Variants in TRPM3 observed in about 807,000 individuals in gnomAD.
TRPM3 encodes the protein transient receptor potential cation channel subfamily M member 3.
In TRPM3, 77 loss-of-function variants were observed where a neutral mutation model predicts 181.2. That is an observed-to-expected ratio of 0.42 (90% CI 0.35 to 0.51). The LOEUF (loss-of-function observed/expected upper bound fraction) is 0.51, where lower values mean the gene tolerates loss of function less well. Ranked by LOEUF, TRPM3 falls within the 20% of genes least tolerant of loss-of-function variation. The probability of loss-of-function intolerance (pLI) is 0.01; values close to 1 mark genes in which losing one functional copy is unlikely to be tolerated. For synonymous variants in TRPM3, 745 were observed against 796.4 expected (o/e 0.94, Z 1.09); for missense variants, 1,759 against 2,196.7 (o/e 0.80, Z 3.98).
chr9:70,957,216 G>A (rs913625438), intron 1 of TRPM3, among the ~76,000 whole-genome samples: 9 of 151,858 alleles, frequency 5.9e-5, no homozygotes, highest in South Asian at 2.1e-4. Context: ...CACGCACTTC[G>A]GCCTCCCAAA....
chr9:71,356,879 T>G (rs1433571747), intron 1 of TRPM3, among the ~76,000 whole-genome samples: 2 of 151,906 alleles, frequency 1.3e-5, no homozygotes, highest in Non-Finnish European at 1.5e-5. Context: ...TTTCTGCACT[T>G]TTTCCTATTC....
intron 25 of TRPM3, among the ~76,000 whole-genome samples, 154 bp downstream of exon 25, chr9:70,549,388 G>A (rs1306439845): frequency 6.6e-6 from 1 of 152,072 alleles, no homozygotes; most frequent in Non-Finnish European, 1.5e-5. Flanking sequence ...AGATACTTTG[G>A]GCAATGTTCT....
intron 1 of TRPM3, among the ~76,000 whole-genome samples, chr9:71,004,660 T>A (rs1056042310): frequency 2.6e-5 from 4 of 152,194 alleles, no homozygotes; most frequent in Non-Finnish European, 5.9e-5. Context: ...CTATGAAATA[T>A]ATGACAAAAT....
chr9:70,983,312 C>A (rs561638636), intron 1 of TRPM3, among the ~76,000 whole-genome samples: 12 of 151,876 alleles, frequency 7.9e-5, no homozygotes, highest in Non-Finnish European at 1.6e-4. Context: ...AGTTCTAATA[C>A]CTCATATATT....
At chr9:71,255,180 C>A (rs1284469361) in intron 1 of TRPM3, among the ~76,000 whole-genome samples, 1 of 152,172 alleles carries the variant, frequency 6.6e-6, no homozygotes, top group Non-Finnish European at 1.5e-5. Flanking sequence ...ATTCCCAGTG[C>A]CTCATGTCCA....
At chr9:70,837,038 T>C (rs755395752) in intron 5 of TRPM3, among the ~76,000 whole-genome samples, 5 of 152,176 alleles carry the variant, frequency 3.3e-5, no homozygotes, top group Non-Finnish European at 7.3e-5. Flanking sequence ...AAGCATTGGC[T>C]CTGTCTGGTA....
chr9:71,362,947 A>G lies in TRPM3; in HGVS notation c.183+83706T>C, dbSNP rs147982219. Among the ~76,000 whole-genome samples the G allele has an allele frequency of 6.9e-3, 1,051 of 152,340 alleles. 17 individuals are homozygous for G. The highest frequency in any genetic ancestry group is 0.024 in the African/African-American group (1,013 of 41,576). ...TTTCATTGGGATTGCTGAAGAATAT[A>G]AAGAGTGATTCTTTCATTTAAAACA... On this transcript the variant is annotated intron_variant, in intron 1 of 24. Coordinates refer to the TRPM3 transcript ENST00000357533.
rs1157875125 is a variant in TRPM3 at position 71,205,900 on chromosome 9, TGAAA to T, written c.183+240749_183+240752del. Among the ~76,000 whole-genome samples, 18 of 152,304 alleles carry T rather than the reference TGAAA, an allele frequency of 1.2e-4. 1 individual carries two copies. The South Asian group carries it at 3.7e-3, about 32-fold the overall frequency. Reference sequence around the variant, plus strand: ...TGTGATTTCAGCACAAATGAAAGTGTGAAAGAGTCACCTCAAAGGAAGAAAATAA... The same window carrying T: ...TGTGATTTCAGCACAAATGAAAGTGTGAGTCACCTCAAAGGAAGAAAATAA... On this transcript the variant is annotated intron_variant, in intron 1 of 24. Transcript: ENST00000357533.
chr9:70,764,298 A>G (rs2078691535), intron 7 of TRPM3, among the ~76,000 whole-genome samples: 1 of 152,210 alleles, frequency 6.6e-6, no homozygotes, highest in African/African-American at 2.4e-5. Context: ...AGTATCAAGC[A>G]TCCATTGATG....
chr9:71,364,660 G>T (rs2092274890), intron 1 of TRPM3, among the ~76,000 whole-genome samples: 1 of 152,126 alleles, frequency 6.6e-6, no homozygotes, highest in Non-Finnish European at 1.5e-5. Flanking sequence ...GGCAGGAGGT[G>T]GTAAGGACTT....
In TRPM3 at chr9:71,418,732, C is replaced by CTA. The variant is rs141814539; in HGVS notation, c.183+27919_183+27920dup. On this transcript the variant is annotated intron_variant, in intron 1 of 24. Coordinates refer to the TRPM3 transcript ENST00000357533. Reference sequence around the variant, plus strand: ...GGATTCCTAAAAGGCTCAAAGGATACTATATATATATATATCCTTTGAGAT... The same window carrying CTA: ...GGATTCCTAAAAGGCTCAAAGGATACTATATATATATATATATCCTTTGAGAT... Among the ~76,000 whole-genome samples the CTA allele has an allele frequency of 5.2e-3, 751 of 144,518 alleles. 6 individuals are homozygous for CTA. Among genetic ancestry groups the CTA allele is most frequent in the East Asian group, 0.011 (56 of 4,900 alleles). 94.8% of individuals were successfully genotyped at this position (144,518 alleles called of 152,430 possible). A position where few individuals can be genotyped will look rare whatever the true frequency, so the allele number is the denominator to read the frequency against.
At chr9:70,997,811 T>C (rs1370809781) in intron 1 of TRPM3, among the ~76,000 whole-genome samples, 1 of 152,152 alleles carries the variant, frequency 6.6e-6, no homozygotes, top group Non-Finnish European at 1.5e-5. Flanking sequence ...TTTTTTTGCA[T>C]GTTTGGGAGG....
intron 7 of TRPM3, among the ~76,000 whole-genome samples, chr9:70,762,691 T>C (rs147567930): frequency 1.3e-5 from 2 of 152,348 alleles, no homozygotes; most frequent in African/African-American, 4.8e-5. Flanking sequence ...TTATCTCAGT[T>C]GCTGATTACA....
intron 1 of TRPM3, among the ~76,000 whole-genome samples, chr9:71,391,379 T>C (rs1232069844): frequency 6.8e-6 from 1 of 145,998 alleles, no homozygotes; most frequent in Non-Finnish European, 1.5e-5. Flanking sequence ...TGTCTACTTC[T>C]CTTTCTTTCT....
At chr9:70,813,214 C>T (rs1222079212) in intron 6 of TRPM3, among the ~76,000 whole-genome samples, 2 of 152,134 alleles carry the variant, frequency 1.3e-5, no homozygotes, top group East Asian at 3.9e-4. Context: ...CACTTAACAT[C>T]TACTGCTTTG....
intron 6 of TRPM3, among the ~76,000 whole-genome samples, chr9:70,786,744 C>T (rs1306250544): frequency 6.6e-6 from 1 of 152,204 alleles, no homozygotes; most frequent in Non-Finnish European, 1.5e-5. Flanking sequence ...TTTGCTTTAG[C>T]ATATGCTCCT....
intron 1 of TRPM3, among the ~76,000 whole-genome samples, chr9:71,292,953 C>G (rs773729840): frequency 1.3e-5 from 2 of 151,750 alleles, no homozygotes; most frequent in Non-Finnish European, 2.9e-5. Flanking sequence ...TACAAAATGA[C>G]GAAATTGTGT....
intron 1 of TRPM3, among the ~76,000 whole-genome samples, chr9:70,902,632 G>A (rs1182769395): frequency 6.6e-6 from 1 of 151,922 alleles, no homozygotes; most frequent in Non-Finnish European, 1.5e-5. Context: ...AAACTACAAT[G>A]AGCAAAAAAA....
rs781648031 is a variant in TRPM3 at position 70,615,890 on chromosome 9, T to A, written c.2526+18A>T. 1 of 1,590,392 alleles carries A rather than the reference T, an allele frequency of 6.3e-7. No individual in the cohort carries two copies. The highest frequency in any genetic ancestry group is 8.5e-7 in the Non-Finnish European group (1 of 1,172,578). ...AGGAATTCTGCCCATAGAGAATAAC[T>A]GTGCAATGTTTTCTTACTGTGAGCT... is the stretch of plus-strand genomic sequence containing the variant. On this transcript the variant is annotated intron_variant, in intron 18 of 25. Coordinates refer to ENST00000677713, the MANE Select transcript of TRPM3 (RefSeq NM_001366145.2).
Sources: allele counts gnomAD v4.1 joint callset (sites outside exome capture counted in the v4.1 genomes callset), GRCh38; gene constraint gnomAD v4.1.1; transcripts MANE v1.5; gene names NCBI Gene and HGNC (gene_info 2026-07-23, HGNC 2026-07-21).